Variants in MUC13 observed in about 807,000 individuals in gnomAD.
The protein encoded by MUC13 is mucin-13.
Under a neutral mutation model 48.3 loss-of-function variants are expected in MUC13, and 32 were observed. That is an observed-to-expected ratio of 0.66 (90% CI 0.50 to 0.89). The LOEUF (loss-of-function observed/expected upper bound fraction) is 0.89, where lower values mean the gene tolerates loss of function less well. MUC13 is among the 40% of genes least tolerant of loss of function. The probability of loss-of-function intolerance (pLI) is 0.00; values close to 1 mark genes in which losing one functional copy is unlikely to be tolerated. For missense variants in MUC13, 571 were observed against 622.8 expected (o/e 0.92, Z 0.88); for synonymous variants, 199 against 224.9 (o/e 0.88, Z 1.03).
At chr3:124,912,258 T>G in intron 8 of MUC13, 117 bp from the exon 9 acceptor site, 1 of 1,450,562 alleles carries the variant, frequency 6.9e-7, no homozygotes, top group Non-Finnish European at 9.3e-7. Flanking sequence ...CTGTCCTCCC[T>G]TGCTTTTTTT....
chr3:124,913,125 A>G lies in MUC13; in HGVS notation c.1200T>C (p.Asn400=), dbSNP rs983157604. 6.2e-7 allele frequency: 1 copy of G among 1,613,948 alleles called. No homozygotes were observed. ...ACVPGYQEDA[N]GNCQKCAFGY... Reference sequence around the variant, plus strand: ...ATTTTTCTTACTTTTGGCAGTTCCCATTAGCATCTTCCTGGTAGCCGGGCA... The same window carrying G: ...ATTTTTCTTACTTTTGGCAGTTCCCGTTAGCATCTTCCTGGTAGCCGGGCA... The change falls in exon 8 of 12, where the codon AAT becomes AAC. Residue 400 remains asparagine, a synonymous_variant. Transcript: ENST00000616727.
chr3:124,922,033 G>A (rs946162962), intron 4 of MUC13, among the ~76,000 whole-genome samples, 164 bp downstream of exon 4: 16 of 152,288 alleles, frequency 1.1e-4, no homozygotes, highest in South Asian at 6.2e-4. Flanking sequence ...CGGTGGAGGC[G>A]CTCAGGACAG....
chr3:124,913,278 C>T (rs1293469573), intron 7 of MUC13, 38 bp from the exon 8 acceptor site: 2 of 1,591,868 alleles, frequency 1.3e-6, no homozygotes, highest in East Asian at 4.5e-5. Context: ...TTTTCAGAAA[C>T]AATCTCTTTA....
At chr3:124,912,479 G>T (rs149240250) in intron 8 of MUC13, among the ~76,000 whole-genome samples, 15 of 152,320 alleles carry the variant, frequency 9.8e-5, no homozygotes, top group Admixed American at 9.8e-4. Context: ...AGGCTGTGAC[G>T]CCACATGGCT....
intron 3 of MUC13, 98 bp downstream of exon 3, chr3:124,923,429 C>T (rs768737217): frequency 1.7e-5 from 23 of 1,321,634 alleles, no homozygotes; most frequent in Admixed American, 2.2e-5. Context: ...CTTTATCTCT[C>T]ATATTTTGGA....
intron 8 of MUC13, among the ~76,000 whole-genome samples, 173 bp downstream of exon 8, chr3:124,912,935 CAAA>C (rs1175714352): frequency 4.9e-5 from 2 of 41,234 alleles, no homozygotes. Context: ...GACTCCATCT[CAAA>C]AAAAAAAAAA....
intron 10 of MUC13, among the ~76,000 whole-genome samples, chr3:124,909,351 C>T (rs989285080): frequency 2.0e-5 from 3 of 152,136 alleles, no homozygotes; most frequent in African/African-American, 7.2e-5. Context: ...ACAGCATTTG[C>T]CTCCCTGTTA....
intron 11 of MUC13, among the ~76,000 whole-genome samples, chr3:124,907,594 G>T (rs1935338142): frequency 6.6e-6 from 1 of 151,830 alleles, no homozygotes; most frequent in South Asian, 2.1e-4. Context: ...CTCAAGTCTG[G>T]GTGACAGAGT....
At chr3:124,923,459 T>C (rs984009512) in intron 3 of MUC13, 68 bp downstream of exon 3, 7 of 1,530,110 alleles carry the variant, frequency 4.6e-6, no homozygotes, top group Non-Finnish European at 6.2e-6. Flanking sequence ...TGCCATCATT[T>C]TGAGTTTTCG....
At chr3:124,917,760 C>T (rs566246875) in intron 5 of MUC13, among the ~76,000 whole-genome samples, 5 of 10,818 alleles carry the variant, frequency 4.6e-4, no homozygotes, top group Non-Finnish European at 7.8e-4. Flanking sequence ...GGGGCGGGGG[C>T]GGGGGAGGCG....
At chr3:124,920,165 G>A in intron 5 of MUC13, 69 bp downstream of exon 5, 1 of 1,326,110 alleles carries the variant, frequency 7.5e-7, no homozygotes. Flanking sequence ...GTTACATGCA[G>A]ACCTCAAGAG....
chr3:124,912,295 C>A, intron 8 of MUC13, 154 bp from the exon 9 acceptor site: 1 of 1,149,582 alleles, frequency 8.7e-7, no homozygotes, highest in Non-Finnish European at 1.2e-6. Flanking sequence ...TCCTTACACT[C>A]TCATTCTTCC....
At chr3:124,929,399 G>T (rs1935753863) in intron 1 of MUC13, among the ~76,000 whole-genome samples, 1 of 142,544 alleles carries the variant, frequency 7.0e-6, no homozygotes, top group Non-Finnish European at 1.6e-5. Flanking sequence ...TTGACAATAG[G>T]TTAAAAAAAT....
intron 3 of MUC13, among the ~76,000 whole-genome samples, chr3:124,922,737 T>G (rs1245796300): frequency 6.6e-6 from 1 of 152,298 alleles, no homozygotes; most frequent in Non-Finnish European, 1.5e-5. Context: ...CCCAAAGTGC[T>G]GGGATTACAG....
chr3:124,930,478 A>G (rs944647496), intron 1 of MUC13, among the ~76,000 whole-genome samples: 11 of 152,236 alleles, frequency 7.2e-5, no homozygotes, highest in African/African-American at 2.4e-4. Flanking sequence ...TCTAGTAAAA[A>G]TACCCAAGAG....
At chr3:124,915,899 A>G (rs143473119) in intron 6 of MUC13, among the ~76,000 whole-genome samples, 1 of 152,250 alleles carries the variant, frequency 6.6e-6, no homozygotes, top group African/African-American at 2.4e-5. Context: ...GCTGGTCTCA[A>G]ACTCCTGGGC....
chr3:124,918,141 C>T (rs948530460), intron 5 of MUC13, among the ~76,000 whole-genome samples: 6 of 152,180 alleles, frequency 3.9e-5, no homozygotes, highest in Admixed American at 3.9e-4. Context: ...TCTGAGGATC[C>T]TTCCAATTCC....
At position 124,906,124 on chromosome 3, in the gene MUC13, TGA is replaced by T. The variant is rs1935312582; in HGVS notation, c.*617_*618del. On this transcript the variant is annotated 3_prime_UTR_variant, in exon 12 of 12. Transcript: ENST00000616727. ...TCCCAGGCACGCCTCCTGAAAAAGC[TGA>T]GAGATATGTCTCTTTCCAGTCTTCT... is the stretch of plus-strand genomic sequence containing the variant. The T allele has an allele frequency of 2.0e-5, 3 of 152,798 alleles. No homozygotes were observed. Among genetic ancestry groups the T allele is most frequent in the Admixed American group, 1.3e-4 (2 of 15,296 alleles). 9.5% of individuals were successfully genotyped at this position (152,798 alleles called of 1,614,324 possible). A position where few individuals can be genotyped will look rare whatever the true frequency, so the allele number is the denominator to read the frequency against.
intron 10 of MUC13, among the ~76,000 whole-genome samples, chr3:124,910,103 T>G (rs188944820): frequency 1.3e-5 from 2 of 152,222 alleles, no homozygotes; most frequent in Non-Finnish European, 2.9e-5. Flanking sequence ...GCCTATATAA[T>G]AAGAAGACAA....
Sources: allele counts gnomAD v4.1 joint callset (sites outside exome capture counted in the v4.1 genomes callset), GRCh38; gene constraint gnomAD v4.1.1; transcripts MANE v1.5; gene names NCBI Gene and HGNC (gene_info 2026-07-23, HGNC 2026-07-21).